ANKS1B: variants seen among roughly 807,000 people sequenced by gnomAD.
ANKS1B encodes the protein ankyrin repeat and sterile alpha motif domain-containing protein 1B.
In ANKS1B, 36 loss-of-function variants were observed where a neutral mutation model predicts 148.3. That is an observed-to-expected ratio of 0.24 (90% confidence interval 0.19 to 0.32). The LOEUF is 0.32. ANKS1B is among the 10% of genes least tolerant of loss of function. ANKS1B has a pLI of 1.00. For synonymous variants in ANKS1B, 542 were observed against 560.8 expected (o/e 0.97, Z 0.47); for missense variants, 1,157 against 1,542.6 (o/e 0.75, Z 4.19).
chr12:99,230,757 A>C (rs2086707156), intron 14 of ANKS1B, among the ~76,000 whole-genome samples: 1 of 152,174 alleles, frequency 6.6e-6, no homozygotes. Context: ...ATTAGTTAGC[A>C]CATGCTAGCC....
At chr12:99,371,562 GCA>G (rs34852766) in intron 12 of ANKS1B, among the ~76,000 whole-genome samples, 4 of 150,100 alleles carry the variant, frequency 2.7e-5, no homozygotes, top group African/African-American at 4.9e-5. Context: ...ATACACATGT[GCA>G]CACACACACA....
chr12:99,525,888 G>A (rs1472551), intron 9 of ANKS1B, among the ~76,000 whole-genome samples: 18,802 of 151,716 alleles, frequency 0.12, 1,415 homozygotes, highest in South Asian at 0.19. Flanking sequence ...TAAAGATCAA[G>A]AGACAAAAAA....
chr12:99,785,890 T>C (rs1380620482), intron 4 of ANKS1B, among the ~76,000 whole-genome samples: 1 of 152,200 alleles, frequency 6.6e-6, no homozygotes, highest in Non-Finnish European at 1.5e-5. Context: ...CTGACTGGCA[T>C]GATATGTAGA....
intron 1 of ANKS1B, among the ~76,000 whole-genome samples, chr12:99,890,897 C>G (rs2093067646): frequency 6.6e-6 from 1 of 151,672 alleles, no homozygotes; most frequent in Non-Finnish European, 1.5e-5. Flanking sequence ...ATAAGGTGTT[C>G]ATTGAAAAAA....
chr12:99,369,791 T>TAGATAGATAGATAGATAGATGGATGGAC, intron 12 of ANKS1B, among the ~76,000 whole-genome samples: 2 of 148,892 alleles, frequency 1.3e-5, no homozygotes, highest in East Asian at 4.0e-4. Flanking sequence ...GATAGATAGA[T>TAGATAGATAGATAGATAGATGGATGGAC]GGACGGACGG....
At chr12:99,244,021 T>C (rs1013272000) in intron 14 of ANKS1B, among the ~76,000 whole-genome samples, 2 of 146,754 alleles carry the variant, frequency 1.4e-5, no homozygotes, top group Non-Finnish European at 3.0e-5. Flanking sequence ...AGTATAATAA[T>C]AAAAAAAAGA....
At chr12:98,963,676 T>C (rs2099875434) in intron 17 of ANKS1B, among the ~76,000 whole-genome samples, 1 of 152,114 alleles carries the variant, frequency 6.6e-6, no homozygotes, top group African/African-American at 2.4e-5. Flanking sequence ...TTAAAAAGCT[T>C]CTGCATAGTA....
In ANKS1B at chr12:99,938,912, G is replaced by A. The variant is rs575438064; in HGVS notation, c.134+45192C>T. ...GCGGCCCCGCAGACGCTGGTAGAGA[G>A]GGCAAGCTTAAGGTGTAGAAGAAAA... On this transcript the variant is annotated intron_variant, in intron 1 of 26. Coordinates refer to ENST00000683438, the MANE Select transcript of ANKS1B (RefSeq NM_001352186.2). Among the ~76,000 whole-genome samples, 10 of 152,262 alleles carry A rather than the reference G, an allele frequency of 6.6e-5. No homozygotes were observed. In the South Asian group the frequency reaches 2.1e-3, roughly 32 times the overall value.
chr12:99,412,168 C>G (rs1206687685), intron 11 of ANKS1B, among the ~76,000 whole-genome samples: 1 of 151,856 alleles, frequency 6.6e-6, no homozygotes, highest in Non-Finnish European at 1.5e-5. Context: ...TGATTAGAGT[C>G]TTTTTCTGGC....
In ANKS1B at chr12:99,494,379, T is replaced by C. The variant is rs959439239; in HGVS notation, c.1438+10097A>G. Among the ~76,000 whole-genome samples, 3 of 152,256 alleles carry C rather than the reference T, an allele frequency of 2.0e-5. No individual in the cohort carries two copies. The South Asian group carries it at 6.2e-4, about 32-fold the overall frequency. The stretch of plus-strand genomic sequence containing the variant: ...AAGGAAGTTTTCATTTATTGTTTAG[T>C]TGTTTTTGCTGTTAGTTGTTCTTGT... On this transcript the variant is annotated intron_variant, in intron 10 of 26. Coordinates refer to ENST00000683438, the MANE Select transcript of ANKS1B (RefSeq NM_001352186.2).
chr12:99,766,122 T>C (rs1022576792), intron 8 of ANKS1B, among the ~76,000 whole-genome samples: 4 of 152,194 alleles, frequency 2.6e-5, no homozygotes, highest in Non-Finnish European at 4.4e-5. Flanking sequence ...AATGGTTCAT[T>C]TGCAAGAACA....
chr12:99,929,208 A>G (rs2153806498), intron 1 of ANKS1B, among the ~76,000 whole-genome samples: 1 of 152,354 alleles, frequency 6.6e-6, no homozygotes, highest in South Asian at 2.1e-4. Flanking sequence ...TCTCATTGCC[A>G]TTAAGACTCT....
intron 11 of ANKS1B, among the ~76,000 whole-genome samples, chr12:99,418,566 C>T (rs11109835): frequency 0.26 from 39,226 of 151,858 alleles, 5,215 homozygotes; most frequent in East Asian, 0.43. Context: ...CGGATTTCTA[C>T]GAAGACAATC....
chr12:99,587,338 T>A (rs961476697), intron 9 of ANKS1B, among the ~76,000 whole-genome samples: 4 of 152,142 alleles, frequency 2.6e-5, no homozygotes, highest in Admixed American at 2.6e-4. Context: ...TTGGTATGAA[T>A]ATAAGCTGCA....
At chr12:99,951,171 C>T (rs1278498711) in intron 1 of ANKS1B, among the ~76,000 whole-genome samples, 1 of 152,166 alleles carries the variant, frequency 6.6e-6, no homozygotes, top group East Asian at 1.9e-4. Flanking sequence ...TTTATACTCC[C>T]TTCACAAAGC....
chr12:99,906,655 T>C (rs2153779417), intron 1 of ANKS1B, among the ~76,000 whole-genome samples: 1 of 152,324 alleles, frequency 6.6e-6, no homozygotes, highest in South Asian at 2.1e-4. Flanking sequence ...ATTAATAATA[T>C]CCGTATAATT....
intron 8 of ANKS1B, among the ~76,000 whole-genome samples, chr12:99,698,447 A>T (rs979131790): frequency 6.6e-6 from 1 of 152,088 alleles, no homozygotes; most frequent in Non-Finnish European, 1.5e-5. Flanking sequence ...AAAAATGAGT[A>T]AATAGGCGGT....
chr12:98,756,879 C>G (rs939417123), intron 25 of ANKS1B, among the ~76,000 whole-genome samples: 4 of 151,728 alleles, frequency 2.6e-5, no homozygotes, highest in East Asian at 2.0e-4. Flanking sequence ...AGGCGCCCAC[C>G]ACCACGCCTG....
intron 9 of ANKS1B, among the ~76,000 whole-genome samples, chr12:99,632,767 A>ATTTT (rs1555520394): frequency 2.8e-5 from 2 of 71,316 alleles, no homozygotes; most frequent in Admixed American, 1.8e-4. Flanking sequence ...ATATATATAT[A>ATTTT]TTTTAATTAT....
Sources: gnomAD v4.1 joint callset for allele counts (sites outside exome capture counted in the v4.1 genomes callset) on GRCh38, gnomAD v4.1.1 for gene constraint, MANE v1.5 for transcripts, NCBI Gene and HGNC (gene_info 2026-07-23, HGNC 2026-07-21) for gene names.